DRG1: variants seen among roughly 807,000 people sequenced by gnomAD.
DRG1 encodes the protein developmentally-regulated GTP-binding protein 1.
Under a neutral mutation model 38.8 loss-of-function variants are expected in DRG1, and 19 were observed. The observed-to-expected ratio is 0.49, with a 90% CI of 0.34 to 0.72. DRG1 has a LOEUF of 0.72. Among genes scored for constraint, DRG1 ranks in the 30% least tolerant of loss-of-function variants. The pLI, the probability that DRG1 is intolerant of heterozygous loss-of-function variation, is 0.01. For synonymous variants in DRG1, 167 were observed against 157.5 expected (o/e 1.06, Z -0.45); for missense variants, 299 against 444.8 (o/e 0.67, Z 2.95).
chr22:31,420,531 C>T lies in DRG1; in HGVS notation c.582+106C>T. On this transcript the variant is annotated intron_variant, in intron 5 of 8. Coordinates refer to ENST00000331457, the MANE Select transcript of DRG1 (RefSeq NM_004147.4). ...TGGAAAATTTCCTGGCTTTTCCCTGCACTAATTGAGATAACACAATGACTT... is the reference window on the plus strand; with the variant it reads ...TGGAAAATTTCCTGGCTTTTCCCTGTACTAATTGAGATAACACAATGACTT... The T allele has an allele frequency of 3.7e-6, 5 of 1,340,254 alleles. No homozygotes were observed. In the South Asian group the frequency reaches 7.0e-5, roughly 19 times the overall value. The allele number at this position is 1,340,254 out of a possible 1,614,324, so 83.0% of individuals were successfully genotyped here.
intron 8 of DRG1, among the ~76,000 whole-genome samples, chr22:31,428,577 C>G (rs554348141): frequency 4.6e-5 from 7 of 152,298 alleles, no homozygotes; most frequent in African/African-American, 1.7e-4. Context: ...ATAAAATTAT[C>G]AAAAACAGGA....
chr22:31,403,252 T>A, intron 3 of DRG1, 48 bp downstream of exon 3: 1 of 1,537,936 alleles, frequency 6.5e-7, no homozygotes, highest in Non-Finnish European at 8.8e-7. Flanking sequence ...TATTCTTCAT[T>A]TAGGAAGAAG....
chr22:31,426,824 C>T, intron 7 of DRG1, 42 bp downstream of exon 7: 1 of 1,594,516 alleles, frequency 6.3e-7, no homozygotes. Flanking sequence ...TAGGAATTAA[C>T]CAGACTGTCC....
intron 3 of DRG1, 115 bp downstream of exon 3, chr22:31,403,319 A>AAGTG: frequency 2.5e-5 from 27 of 1,096,668 alleles, no homozygotes; most frequent in Non-Finnish European, 3.2e-5. Flanking sequence ...GGCACTTACT[A>AAGTG]CCTGGTAGGG....
chr22:31,421,951 C>T (rs1368785512), intron 5 of DRG1, among the ~76,000 whole-genome samples: 5 of 151,548 alleles, frequency 3.3e-5, no homozygotes, highest in African/African-American at 4.8e-5. Flanking sequence ...CCTGTATCTA[C>T]TAAAAACACA....
At chr22:31,420,133 T>C (rs1454966289) in intron 4 of DRG1, 123 bp from the exon 5 acceptor site, 16 of 1,017,904 alleles carry the variant, frequency 1.6e-5, no homozygotes, top group Non-Finnish European at 2.3e-5. Flanking sequence ...CGTATGCATG[T>C]ATGTATTACA....
At chr22:31,406,602 G>A (rs1288454668) in intron 3 of DRG1, among the ~76,000 whole-genome samples, 1 of 151,698 alleles carries the variant, frequency 6.6e-6, no homozygotes. Flanking sequence ...TTGAACCTGG[G>A]AGGCAGATGT....
chr22:31,417,487 C>T (rs1601530293), intron 4 of DRG1, among the ~76,000 whole-genome samples: 2 of 151,860 alleles, frequency 1.3e-5, no homozygotes, highest in African/African-American at 4.8e-5. Flanking sequence ...TGAGACCAGT[C>T]TGGCTATCAT....
At chr22:31,408,075 G>A (rs1183310173) in intron 3 of DRG1, among the ~76,000 whole-genome samples, 5 of 144,090 alleles carry the variant, frequency 3.5e-5, no homozygotes, top group Non-Finnish European at 7.6e-5. Flanking sequence ...GCAGTGAGCC[G>A]AGATCACACC....
In DRG1 at chr22:31,403,173, G is replaced by A; in HGVS notation, c.311G>A (p.Gly104Asp). ...YEFTTLTTVP[G>D]VIRYKGAKIQ... Reference sequence around the variant, plus strand: ...TTCACTACTCTGACCACTGTGCCTGGTGTCATCAGATACAAAGGTGCCAAG... The same window carrying A: ...TTCACTACTCTGACCACTGTGCCTGATGTCATCAGATACAAAGGTGCCAAG... Residue 104 changes from glycine (G) to aspartate (D), a missense_variant, in exon 3 of 9, where the codon GGT (glycine) becomes GAT (aspartate). This residue lies in a region of DRG1 where 50 missense variants were observed against 120.6 expected (regional missense o/e 0.41). Coordinates refer to ENST00000331457, the MANE Select transcript of DRG1 (RefSeq NM_004147.4). 6.2e-7 allele frequency: 1 copy of A among 1,613,372 alleles called. No individual in the cohort carries two copies. Among genetic ancestry groups the A allele is most frequent in the Non-Finnish European group, 8.5e-7 (1 of 1,179,800 alleles).
chr22:31,424,811 C>CTTT lies in DRG1; in HGVS notation c.713+1413_713+1415dup, dbSNP rs11421035. Reference sequence around the variant, plus strand: ...TGTGCCCGGCACCCGCCCCCCCCCCCTTTTTTTTTTTTTTGGAGTCTTGCT... The same window carrying CTTT: ...TGTGCCCGGCACCCGCCCCCCCCCCCTTTTTTTTTTTTTTTTTGGAGTCTTGCT... On this transcript the variant is annotated intron_variant, in intron 6 of 8. Transcript: ENST00000331457. 3.8e-4 allele frequency among the ~76,000 whole-genome samples: 14 copies of CTTT among 36,642 alleles called. 2 individuals carry two copies. The highest frequency in any genetic ancestry group is 1.5e-3 in the African/African-American group (7 of 4,690). The allele number at this position is 36,642 out of a possible 152,430, so 24.0% of individuals were successfully genotyped here. A position where few individuals can be genotyped will look rare whatever the true frequency, so the allele number is the denominator to read the frequency against.
intron 4 of DRG1, among the ~76,000 whole-genome samples, chr22:31,418,219 G>T (rs2050055064): frequency 6.6e-6 from 1 of 152,014 alleles, no homozygotes; most frequent in African/African-American, 2.4e-5. Context: ...GAGGCAGGAG[G>T]ATCACTTGAG....
chr22:31,420,373 C>T lies in DRG1; in HGVS notation c.530C>T (p.Pro177Leu), dbSNP rs148069806. ...GGCATTCGCTTGAACAGCAAACCCC[C>T]CAACATTGGCTTTAAGAAGAAGGAC... ...GFGIRLNSKP[P>L]NIGFKKKDKG... The change falls in exon 5 of 9, where the codon CCC (proline) becomes CTC (leucine). Residue 177 changes from proline (P) to leucine (L), a missense_variant. Pro to Leu is a moderately conservative substitution (Grantham distance 98). This residue lies in a region of DRG1 where 198 missense variants were observed against 268.1 expected (regional missense o/e 0.74). Coordinates refer to ENST00000331457, the MANE Select transcript of DRG1 (RefSeq NM_004147.4). 6.2e-7 allele frequency: 1 copy of T among 1,614,154 alleles called. No individual in the cohort carries two copies. The highest frequency in any genetic ancestry group is 8.5e-7 in the Non-Finnish European group (1 of 1,180,042).
chr22:31,430,788 A>G (rs982400723), intron 8 of DRG1, among the ~76,000 whole-genome samples: 120 of 151,972 alleles, frequency 7.9e-4, no homozygotes, highest in African/African-American at 2.9e-3. Context: ...GCTCTGTCAC[A>G]GCTCACTGCA....
chr22:31,421,180 A>G (rs1471149810), intron 5 of DRG1: 2 of 151,968 alleles, frequency 1.3e-5, no homozygotes, highest in South Asian at 2.1e-4. Context: ...TGGCACAATC[A>G]TAGTTCACTG....
chr22:31,432,252 A>G (rs1046993778), intron 8 of DRG1, among the ~76,000 whole-genome samples: 9 of 150,972 alleles, frequency 6.0e-5, no homozygotes, highest in African/African-American at 9.7e-5. Flanking sequence ...AATTTTTTCT[A>G]TTTTTCTAGA....
intron 4 of DRG1, among the ~76,000 whole-genome samples, chr22:31,414,470 CA>C (rs1178031507): frequency 6.6e-6 from 1 of 151,942 alleles, no homozygotes; most frequent in Non-Finnish European, 1.5e-5. Flanking sequence ...AATTAAAAAA[CA>C]AAAAAATTCT....
chr22:31,419,080 G>A (rs1267256910), intron 4 of DRG1, among the ~76,000 whole-genome samples: 5 of 152,118 alleles, frequency 3.3e-5, no homozygotes, highest in African/African-American at 7.2e-5. Context: ...CTCCCAAAGT[G>A]CTGGGATTAT....
intron 8 of DRG1, among the ~76,000 whole-genome samples, 164 bp from the exon 9 acceptor site, chr22:31,433,708 G>A (rs925253077): frequency 9.2e-5 from 14 of 152,156 alleles, no homozygotes; most frequent in African/African-American, 3.1e-4. Context: ...CGGCTTTTAT[G>A]TTAAGGCTTC....
Sources: gnomAD v4.1 joint callset for allele counts (sites outside exome capture counted in the v4.1 genomes callset) on GRCh38, gnomAD v4.1.1 for gene constraint, gnomAD v4.1.1 regional missense constraint, MANE v1.5 for transcripts, NCBI Gene and HGNC (gene_info 2026-07-23, HGNC 2026-07-21) for gene names.